Variants in PTPDC1 observed in about 807,000 individuals in gnomAD.
PTPDC1 encodes the protein protein tyrosine phosphatase domain-containing protein 1.
A neutral mutation model predicts 75.3 loss-of-function variants in PTPDC1; 53 were observed. That is an observed-to-expected ratio of 0.70 (90% CI 0.56 to 0.88). The LOEUF (loss-of-function observed/expected upper bound fraction) is 0.88, where lower values mean the gene tolerates loss of function less well. Ranked by LOEUF, PTPDC1 falls within the 40% of genes least tolerant of loss-of-function variation. The pLI, the probability that PTPDC1 is intolerant of heterozygous loss-of-function variation, is 0.00. For synonymous variants in PTPDC1, 349 were observed against 366.2 expected, an observed-to-expected ratio of 0.95 and a Z score of 0.54; for missense variants, 925 against 998.6, an observed-to-expected ratio of 0.93 and a Z score of 0.99.
chr9:94,101,646 G>T lies in PTPDC1; in HGVS notation c.2094G>T (p.Trp698Cys). 6.2e-7 allele frequency: 1 copy of T among 1,614,072 alleles called. No homozygotes were observed. Among genetic ancestry groups the T allele is most frequent in the South Asian group, 1.1e-5 (1 of 91,072 alleles). ...CTTTCATCCTATGCAGCTTGATGTG[G>T]TCTTGGGTGGAGCAACTGAAGGAGC... ...RDPFILCSLM[W>C]SWVEQLKEPV... Residue 698 changes from tryptophan to cysteine, a missense_variant, in exon 7 of 9, where the codon TGG becomes TGT. Trp to Cys is a radical substitution (Grantham distance 215). Transcript: ENST00000620992.
chr9:94,074,013 T>C (rs992704605), intron 2 of PTPDC1, among the ~76,000 whole-genome samples: 3 of 152,216 alleles, frequency 2.0e-5, no homozygotes, highest in Non-Finnish European at 4.4e-5. Context: ...TTAAAGTCCT[T>C]ATTGGAAATT....
chr9:94,079,078 A>G (rs1826791181), intron 2 of PTPDC1, among the ~76,000 whole-genome samples: 1 of 152,040 alleles, frequency 6.6e-6, no homozygotes, highest in African/African-American at 2.4e-5. Flanking sequence ...TGAAAACTGG[A>G]CATTTTAGGT....
At position 94,088,232 on chromosome 9, in the gene PTPDC1, A is replaced by G; in HGVS notation, c.585A>G (p.Thr195=). 3 of 1,614,050 alleles carry G rather than the reference A, an allele frequency of 1.9e-6. No homozygotes were observed. Among genetic ancestry groups the G allele is most frequent in the Non-Finnish European group, 2.5e-6 (3 of 1,179,966 alleles). The change falls in exon 4 of 9, where the codon ACA becomes ACG. Residue 195 remains threonine (T), a synonymous_variant. Coordinates refer to ENST00000620992, the MANE Select transcript of PTPDC1 (RefSeq NM_001253829.2). ...CTCTGGAACAAGAAAGTGGCTTCAC[A>G]TACCTTCCTGAGGCTTTCATGGAGG... The part of the protein sequence containing the change: ...GNPLEQESGF[T]YLPEAFMEAG...
At chr9:94,068,534 G>C (rs1411887193) in intron 2 of PTPDC1, among the ~76,000 whole-genome samples, 2 of 152,100 alleles carry the variant, frequency 1.3e-5, no homozygotes, top group Non-Finnish European at 2.9e-5. Flanking sequence ...GTTATGTTTA[G>C]TTTGATCACA....
intron 8 of PTPDC1, 35 bp downstream of exon 8, chr9:94,104,420 A>G (rs898365421): frequency 3.7e-6 from 5 of 1,345,794 alleles, no homozygotes; most frequent in Non-Finnish European, 5.3e-6. Context: ...TCTCTGAACC[A>G]CAGATCAGCA....
chr9:94,072,168 C>T (rs1050177056), intron 2 of PTPDC1, among the ~76,000 whole-genome samples: 12 of 152,096 alleles, frequency 7.9e-5, no homozygotes, highest in African/African-American at 2.9e-4. Context: ...CCACCACGCC[C>T]AGCTAATTTT....
At position 94,097,990 on chromosome 9, in the gene PTPDC1, G is replaced by T; in HGVS notation, c.1424G>T (p.Gly475Val). ...ACAGTGCCTGCCCAGATCTTGGTTG[G>T]CCACAAGCCCAGGCAGCAGAAGCTC... is the stretch of plus-strand genomic sequence containing the variant. ...PQTVPAQILVGHKPRQQKLIS... is the reference protein window; with the variant it reads ...PQTVPAQILVVHKPRQQKLIS... The change falls in exon 6 of 9, where the codon GGC (glycine) becomes GTC (valine). Residue 475 changes from glycine to valine, a missense_variant. By Grantham distance (109) the Gly-to-Val change is moderately radical (BLOSUM62 -3). Coordinates refer to ENST00000620992, the MANE Select transcript of PTPDC1 (RefSeq NM_001253829.2). 6.2e-7 allele frequency: 1 copy of T among 1,614,130 alleles called. No homozygotes were observed. The highest frequency in any genetic ancestry group is 1.3e-5 in the African/African-American group (1 of 75,050).
At chr9:94,098,764 T>C in intron 6 of PTPDC1, 185 bp downstream of exon 6, 1 of 619,530 alleles carries the variant, frequency 1.6e-6, no homozygotes, top group African/African-American at 1.8e-5. Context: ...ACAGGGTGTT[T>C]GTATGGTTTC....
At position 94,098,162 on chromosome 9, in the gene PTPDC1, G is replaced by A; in HGVS notation, c.1596G>A (p.Arg532=). Residue 532 remains arginine (R), a synonymous_variant, in exon 6 of 9, where the codon AGG becomes AGA. Transcript: ENST00000620992. ...KDNGSPIFHG[R]IIPKEAQQSG... ...ATGGGTCACCAATTTTCCATGGAAG[G>A]ATCATTCCAAAGGAAGCACAGCAGA... 1 of 1,614,236 alleles carries A rather than the reference G, an allele frequency of 6.2e-7. No homozygotes were observed. Among genetic ancestry groups the A allele is most frequent in the Non-Finnish European group, 8.5e-7 (1 of 1,180,042 alleles).
At chr9:94,080,592 A>G (rs549747867), upstream of PTPDC1, among the ~76,000 whole-genome samples, 11 of 152,322 alleles carry the variant, frequency 7.2e-5, no homozygotes, top group African/African-American at 2.4e-4. Flanking sequence ...AATAAATGCA[A>G]GGGCTTCCGA....
chr9:94,046,848 G>A (rs1376996255), intron 1 of PTPDC1, among the ~76,000 whole-genome samples: 7 of 152,242 alleles, frequency 4.6e-5, no homozygotes, highest in Admixed American at 2.6e-4. Context: ...TCCTTCTCCT[G>A]CCTGATTGCC....
intron 1 of PTPDC1, among the ~76,000 whole-genome samples, chr9:94,060,896 T>C (rs1204609417): frequency 6.6e-6 from 1 of 152,112 alleles, no homozygotes; most frequent in Non-Finnish European, 1.5e-5. Flanking sequence ...ATCCAAACCA[T>C]ACAATTCCAC....
intron 2 of PTPDC1, among the ~76,000 whole-genome samples, chr9:94,069,407 A>C (rs1222871013): frequency 6.6e-6 from 1 of 152,206 alleles, no homozygotes; most frequent in Admixed American, 6.6e-5. Flanking sequence ...TGGTTGATAA[A>C]AATCTGCATA....
At chr9:94,032,280 A>T (rs1480176769) in intron 1 of PTPDC1, among the ~76,000 whole-genome samples, 1 of 152,174 alleles carries the variant, frequency 6.6e-6, no homozygotes, top group Non-Finnish European at 1.5e-5. Context: ...AGAAATGAGG[A>T]TTCAGTATCA....
At chr9:94,067,126 A>T (rs1394428080) in intron 2 of PTPDC1, among the ~76,000 whole-genome samples, 3 of 152,098 alleles carry the variant, frequency 2.0e-5, no homozygotes, top group Admixed American at 6.6e-5. Flanking sequence ...GCGGTAGCTC[A>T]CGCCTGTAAT....
chr9:94,097,064 C>T (rs1394013893), intron 5 of PTPDC1, among the ~76,000 whole-genome samples: 1 of 152,178 alleles, frequency 6.6e-6, no homozygotes, highest in Non-Finnish European at 1.5e-5. Flanking sequence ...TGGCACAGCT[C>T]TGGGCTACTG....
chr9:94,104,333 C>T lies in PTPDC1; in HGVS notation c.2258C>T (p.Pro753Leu), dbSNP rs1444001255. Reference sequence around the variant, plus strand: ...TGCATAGTGAACCTGCAGACAATTCCCGTGGATGTGGAGGAAGCTTTCCTT... The same window carrying T: ...TGCATAGTGAACCTGCAGACAATTCTCGTGGATGTGGAGGAAGCTTTCCTT... The part of the protein sequence containing the change: ...LHCIVNLQTI[P>L]VDVEEAFLAH... The change falls in exon 8 of 9, where the codon CCC becomes CTC. Residue 753 changes from proline to leucine, a missense_variant. Transcript: ENST00000620992. The T allele has an allele frequency of 1.2e-6, 2 of 1,613,774 alleles. No individual in the cohort carries two copies. The highest frequency in any genetic ancestry group is 1.1e-5 in the South Asian group (1 of 91,072).
chr9:94,101,399 C>A (rs1827835262), intron 6 of PTPDC1, 167 bp from the exon 7 acceptor site: 1 of 510,486 alleles, frequency 2.0e-6, no homozygotes, highest in South Asian at 3.3e-5. Flanking sequence ...AGTCCAGTGT[C>A]CAGCCTGGAA....
intron 1 of PTPDC1, among the ~76,000 whole-genome samples, chr9:94,045,504 T>A (rs1430530611): frequency 6.6e-6 from 1 of 152,136 alleles, no homozygotes; most frequent in Admixed American, 6.5e-5. Context: ...CTCCAGCACC[T>A]GTTGTTTCCT....
Sources: allele counts gnomAD v4.1 joint callset (sites outside exome capture counted in the v4.1 genomes callset), GRCh38; gene constraint gnomAD v4.1.1; transcripts MANE v1.5; gene names NCBI Gene and HGNC (gene_info 2026-07-23, HGNC 2026-07-21).